PIK3C2G: variants seen among roughly 807,000 people sequenced by gnomAD.
PIK3C2G encodes the protein phosphatidylinositol-4-phosphate 3-kinase catalytic subunit type 2 gamma, also known as phosphatidylinositol 3-kinase C2 domain-containing subunit gamma.
PIK3C2G carries 168 observed loss-of-function variants against 181.1 expected under a neutral mutation model. The ratio of observed to expected loss-of-function variants is 0.93; its 90% CI spans 0.82 to 1.05. PIK3C2G has a LOEUF of 1.05. Among genes scored for constraint, PIK3C2G ranks in the 50% least tolerant of loss-of-function variants. The probability of loss-of-function intolerance (pLI) is 0.00; values close to 1 mark genes in which losing one functional copy is unlikely to be tolerated. For missense variants in PIK3C2G, 1,869 were observed against 1,732.8 expected (o/e 1.08, Z -1.40); for synonymous variants, 573 against 592.2 (o/e 0.97, Z 0.47).
chr12:18,409,861 T>TAC (rs1944756806), intron 16 of PIK3C2G, among the ~76,000 whole-genome samples: 1 of 152,084 alleles, frequency 6.6e-6, no homozygotes, highest in Non-Finnish European at 1.5e-5. Flanking sequence ...TCAGGAAACT[T>TAC]ACAACCATGG....
chr12:18,710,496 A>T, the PIK3C2G span, among the ~76,000 whole-genome samples: 1 of 152,002 alleles, frequency 6.6e-6, no homozygotes, highest in East Asian at 1.9e-4. Context: ...TACAAATTTC[A>T]GCTTTTATTT....
chr12:18,595,781 A>C (rs1261876577), intron 30 of PIK3C2G, among the ~76,000 whole-genome samples: 3 of 152,160 alleles, frequency 2.0e-5, no homozygotes, highest in Middle Eastern at 3.4e-3. Context: ...ATTCTTAATA[A>C]GTTTTGAAAA....
intron 18 of PIK3C2G, among the ~76,000 whole-genome samples, chr12:18,449,708 G>A (rs945914227): frequency 6.6e-6 from 1 of 152,144 alleles, no homozygotes; most frequent in African/African-American, 2.4e-5. Context: ...ATCATTGATG[G>A]GCATTTGGGT....
intron 16 of PIK3C2G, among the ~76,000 whole-genome samples, chr12:18,403,097 C>T (rs965776374): frequency 1.3e-5 from 2 of 152,100 alleles, no homozygotes; most frequent in African/African-American, 4.8e-5. Context: ...TATGAAATAT[C>T]TTGGCTATCC....
At chr12:18,405,360 G>A (rs1284693081) in intron 16 of PIK3C2G, among the ~76,000 whole-genome samples, 1 of 152,090 alleles carries the variant, frequency 6.6e-6, no homozygotes, top group Non-Finnish European at 1.5e-5. Context: ...AGTATAGAAA[G>A]AGGCCAGAGA....
intron 18 of PIK3C2G, among the ~76,000 whole-genome samples, chr12:18,455,293 T>C (rs992997572): frequency 6.6e-5 from 10 of 151,956 alleles, no homozygotes; most frequent in South Asian, 2.1e-4. Flanking sequence ...GGTGGGATCA[T>C]TGGGAGCTAC....
chr12:18,282,799 A>C, intron 2 of PIK3C2G, 40 bp downstream of exon 2: 2 of 1,274,898 alleles, frequency 1.6e-6, no homozygotes, highest in Non-Finnish European at 2.2e-6. Context: ...ATGAATCTGA[A>C]AGAATCATTC....
chr12:18,405,054 C>T (rs1440520772), intron 16 of PIK3C2G, among the ~76,000 whole-genome samples: 12 of 152,260 alleles, frequency 7.9e-5, no homozygotes, highest in Non-Finnish European at 1.3e-4. Flanking sequence ...TTTAAGCTTT[C>T]AGACCTGGGA....
intron 18 of PIK3C2G, among the ~76,000 whole-genome samples, chr12:18,477,282 C>G (rs993469405): frequency 1.3e-5 from 2 of 152,036 alleles, no homozygotes; most frequent in Non-Finnish European, 2.9e-5. Context: ...AAAACAAAAA[C>G]GTAGATTAAA....
Position 18,412,622 on chromosome 12 carries a change from G to C in PIK3C2G, c.2316-8319G>C, listed in dbSNP as rs181514757. Among the ~76,000 whole-genome samples the C allele has an allele frequency of 7.9e-3, 1,158 of 146,418 alleles. 15 individuals carry two copies. Among genetic ancestry groups the C allele is most frequent in the African/African-American group, 0.03 (1,102 of 36,324 alleles). On this transcript the variant is annotated intron_variant, in intron 16 of 32. Coordinates refer to ENST00000538779, the MANE Select transcript of PIK3C2G (RefSeq NM_001288772.2). ...ATATTATTTATGTTAACATAAAATGGGTTTATTAATGTGATTGCAAATGAA... is the reference window on the plus strand; with the variant it reads ...ATATTATTTATGTTAACATAAAATGCGTTTATTAATGTGATTGCAAATGAA...
the PIK3C2G span, chr12:18,693,278 G>C: frequency 6.6e-7 from 1 of 1,518,482 alleles, no homozygotes; most frequent in Non-Finnish European, 9.1e-7. Flanking sequence ...TGGATGACAT[G>C]GATCCCCTGG....
At chr12:18,619,926 A>G (rs1292220693) in intron 31 of PIK3C2G, among the ~76,000 whole-genome samples, 1 of 152,012 alleles carries the variant, frequency 6.6e-6, no homozygotes, top group East Asian at 1.9e-4. Context: ...GGGTTTCACC[A>G]TGTTAGCCAG....
chr12:18,720,005 T>C, the PIK3C2G span, among the ~76,000 whole-genome samples: 3 of 152,052 alleles, frequency 2.0e-5, no homozygotes, highest in Non-Finnish European at 2.9e-5. Context: ...TCCGACTAAC[T>C]TCCCAGTCAC....
At chr12:18,658,189 G>C in the PIK3C2G span, among the ~76,000 whole-genome samples, 796 of 152,158 alleles carry the variant, frequency 5.2e-3, 7 homozygotes, top group Admixed American at 5.7e-3. Flanking sequence ...GATCCTAAGA[G>C]ACCTATGAAA....
At chr12:18,299,538 T>C (rs11836069) in intron 5 of PIK3C2G, among the ~76,000 whole-genome samples, 16,557 of 151,942 alleles carry the variant, frequency 0.11, 1,007 homozygotes, top group Middle Eastern at 0.17. Context: ...TTTATTTATA[T>C]ATTTTGCCCA....
chr12:18,644,988 T>A (rs1950040861), intron 32 of PIK3C2G, among the ~76,000 whole-genome samples: 1 of 152,222 alleles, frequency 6.6e-6, no homozygotes. Context: ...GTTCAGTATA[T>A]GTTAATAGAT....
intron 18 of PIK3C2G, among the ~76,000 whole-genome samples, chr12:18,451,066 T>C (rs1185454351): frequency 1.3e-5 from 2 of 152,192 alleles, no homozygotes; most frequent in African/African-American, 4.8e-5. Flanking sequence ...GCAGGCTCCT[T>C]TTTGGTTCCA....
chr12:18,620,545 GATAGATAGAT>G (rs1477559454), intron 31 of PIK3C2G, among the ~76,000 whole-genome samples: 2 of 151,630 alleles, frequency 1.3e-5, no homozygotes, highest in African/African-American at 4.9e-5. Flanking sequence ...TAGATAGATA[GATAGATAGAT>G]AGATAGATAG....
intron 11 of PIK3C2G, among the ~76,000 whole-genome samples, chr12:18,356,127 T>C (rs1456782373): frequency 6.6e-6 from 1 of 152,112 alleles, no homozygotes; most frequent in Non-Finnish European, 1.5e-5. Flanking sequence ...AACATTCCTT[T>C]TACCCAAAAG....
Sources: allele counts gnomAD v4.1 joint callset (sites outside exome capture counted in the v4.1 genomes callset), GRCh38; gene constraint gnomAD v4.1.1; transcripts MANE v1.5; gene names NCBI Gene and HGNC (gene_info 2026-07-23, HGNC 2026-07-21).